Variants in GRM1 observed in about 807,000 individuals in gnomAD.
GRM1 encodes the protein glutamate metabotropic receptor 1, also known as metabotropic glutamate receptor 1.
Under a neutral mutation model 90.9 loss-of-function variants are expected in GRM1, and 33 were observed. The ratio of observed to expected loss-of-function variants is 0.36; its 90% CI spans 0.28 to 0.49. The LOEUF (loss-of-function observed/expected upper bound fraction) is 0.49. GRM1 is among the 20% of genes least tolerant of loss of function. The pLI, the probability that GRM1 is intolerant of heterozygous loss-of-function variation, is 0.99. For synonymous variants in GRM1, 700 were observed against 613.2 expected (o/e 1.14, Z -2.09); for missense variants, 1,190 against 1,534.3 (o/e 0.78, Z 3.75).
At chr6:146,301,715 C>T (rs1449899442) in intron 2 of GRM1, among the ~76,000 whole-genome samples, 1 of 152,004 alleles carries the variant, frequency 6.6e-6, no homozygotes, top group Non-Finnish European at 1.5e-5. Flanking sequence ...TTTTATCCTC[C>T]TTTGTGTCAT....
intron 3 of GRM1, among the ~76,000 whole-genome samples, chr6:146,305,779 C>T (rs751238944): frequency 3.9e-5 from 6 of 152,070 alleles, no homozygotes; most frequent in African/African-American, 1.4e-4. Context: ...AATCATATTA[C>T]GCCCATGTAT....
At chr6:146,091,678 A>G (rs1776721607) in intron 1 of GRM1, among the ~76,000 whole-genome samples, 1 of 152,094 alleles carries the variant, frequency 6.6e-6, no homozygotes, top group African/African-American at 2.4e-5. Context: ...AAGAATAATT[A>G]GTAGCTAGAG....
chr6:146,071,407 A>G (rs1369819330), intron 1 of GRM1, among the ~76,000 whole-genome samples: 1 of 152,156 alleles, frequency 6.6e-6, no homozygotes, highest in Non-Finnish European at 1.5e-5. Flanking sequence ...CTAGAAATGG[A>G]TCTCCTGTTA....
intron 1 of GRM1, among the ~76,000 whole-genome samples, chr6:146,040,747 G>C (rs1791068285): frequency 6.6e-6 from 1 of 151,818 alleles, no homozygotes; most frequent in African/African-American, 2.4e-5. Context: ...AATCTGTGTG[G>C]TGTTCTCTAC....
At chr6:146,358,299 A>C (rs894747411) in intron 5 of GRM1, among the ~76,000 whole-genome samples, 3 of 152,218 alleles carry the variant, frequency 2.0e-5, no homozygotes, top group Non-Finnish European at 2.9e-5. Flanking sequence ...ACAAACAAGC[A>C]TCAAATCCTC....
Position 146,029,482 on chromosome 6 carries a change from C to A in GRM1, c.-36C>A. 1 of 1,534,648 alleles carries A rather than the reference C, an allele frequency of 6.5e-7. No individual in the cohort carries two copies. Among genetic ancestry groups the A allele is most frequent in the Non-Finnish European group, 9.0e-7 (1 of 1,107,866 alleles). On this transcript the variant is annotated 5_prime_UTR_variant, in exon 1 of 8. Transcript: ENST00000282753. The stretch of plus-strand genomic sequence containing the variant: ...GCCTGCAGCGGGACCAGCGTGGGAA[C>A]GCGGCTGGCAGGCTGTGGACCTCGT...
chr6:146,404,791 A>G (rs1475359440), intron 7 of GRM1, among the ~76,000 whole-genome samples: 1 of 152,204 alleles, frequency 6.6e-6, no homozygotes, highest in African/African-American at 2.4e-5. Flanking sequence ...TCTATAAATC[A>G]CAAGGTGCAA....
intron 2 of GRM1, among the ~76,000 whole-genome samples, chr6:146,291,164 CA>C (rs1380730093): frequency 6.6e-6 from 1 of 151,964 alleles, no homozygotes; most frequent in Non-Finnish European, 1.5e-5. Flanking sequence ...TTTTTGTTTA[CA>C]TTTCCCTGGT....
chr6:146,143,654 G>A (rs1776981080), intron 1 of GRM1, among the ~76,000 whole-genome samples: 1 of 152,126 alleles, frequency 6.6e-6, no homozygotes, highest in South Asian at 2.1e-4. Context: ...CACAACAAAT[G>A]CTTTCTCCTC....
chr6:146,330,646 G>A (rs529323993), intron 3 of GRM1, among the ~76,000 whole-genome samples: 9 of 152,106 alleles, frequency 5.9e-5, no homozygotes, highest in African/African-American at 1.4e-4. Flanking sequence ...CATCATCAGC[G>A]TGGTGTTATC....
intron 2 of GRM1, among the ~76,000 whole-genome samples, chr6:146,275,634 A>G (rs1782328978): frequency 6.6e-6 from 1 of 151,958 alleles, no homozygotes; most frequent in Non-Finnish European, 1.5e-5. Context: ...TTAGAATCCA[A>G]TCAGCCTCCA....
intron 7 of GRM1, among the ~76,000 whole-genome samples, chr6:146,410,274 CAG>C (rs1470291557): frequency 6.6e-6 from 1 of 151,976 alleles, no homozygotes; most frequent in Non-Finnish European, 1.5e-5. Context: ...AAAAAAAATA[CAG>C]AGTCGACTAT....
chr6:146,168,891 T>C lies in GRM1; in HGVS notation c.950+9294T>C, dbSNP rs1778005009. 2.6e-5 allele frequency among the ~76,000 whole-genome samples: 4 copies of C among 152,222 alleles called. No individual in the cohort carries two copies. The South Asian group carries it at 8.3e-4, about 32-fold the overall frequency. On this transcript the variant is annotated intron_variant, in intron 2 of 7. Coordinates refer to ENST00000282753, the MANE Select transcript of GRM1 (RefSeq NM_001278064.2). ...CTTAAGCATGTTTCCTTATCACTAG[T>C]ATTGAGTCATTTTATTATGATAAGC...
chr6:146,234,612 C>T (rs1350406279), intron 2 of GRM1, among the ~76,000 whole-genome samples: 1 of 151,938 alleles, frequency 6.6e-6, no homozygotes, highest in Non-Finnish European at 1.5e-5. Flanking sequence ...TCTTTCCTCT[C>T]ATATTTTGTG....
intron 1 of GRM1, among the ~76,000 whole-genome samples, chr6:146,075,287 CTTAT>C (rs1301665682): frequency 1.3e-5 from 2 of 152,136 alleles, no homozygotes; most frequent in Non-Finnish European, 2.9e-5. Context: ...ACAACTGTTC[CTTAT>C]TTATTTAACA....
rs1778575908 is a variant in GRM1, at chr6:146,435,748, C to G, written c.*952C>G. 1 of 152,560 alleles carries G rather than the reference C, an allele frequency of 6.6e-6. No individual in the cohort carries two copies. Among genetic ancestry groups the G allele is most frequent in the Non-Finnish European group, 1.5e-5 (1 of 68,034 alleles). 9.5% of individuals were successfully genotyped at this position (152,560 alleles called of 1,614,324 possible). A position where few individuals can be genotyped will look rare whatever the true frequency, so the allele number is the denominator to read the frequency against. On this transcript the variant is annotated 3_prime_UTR_variant, in exon 8 of 8. Coordinates refer to ENST00000282753, the MANE Select transcript of GRM1 (RefSeq NM_001278064.2). ...TTTTGTAGATTGACTTGTGTTTGTG[C>G]CAAGCGGGCTTTCCATTGACCTTCA...
intron 7 of GRM1, among the ~76,000 whole-genome samples, chr6:146,417,972 ATT>A (rs1314395834): frequency 6.6e-6 from 1 of 151,906 alleles, no homozygotes; most frequent in Non-Finnish European, 1.5e-5. Flanking sequence ...TTTCCTCCTA[ATT>A]TTGAGCGGCT....
intron 7 of GRM1, among the ~76,000 whole-genome samples, chr6:146,414,218 T>C (rs1777676597): frequency 6.6e-6 from 1 of 152,134 alleles, no homozygotes; most frequent in Non-Finnish European, 1.5e-5. Context: ...TTAGCCACTC[T>C]AATGCGTATG....
At chr6:146,113,771 G>T (rs1416026505) in intron 1 of GRM1, among the ~76,000 whole-genome samples, 1 of 152,128 alleles carries the variant, frequency 6.6e-6, no homozygotes, top group African/African-American at 2.4e-5. Context: ...ATAAAAATAT[G>T]ATTCATTTCT....
Sources: gnomAD v4.1 joint callset for allele counts (sites outside exome capture counted in the v4.1 genomes callset) on GRCh38, gnomAD v4.1.1 for gene constraint, MANE v1.5 for transcripts, NCBI Gene and HGNC (gene_info 2026-07-23, HGNC 2026-07-21) for gene names.